Variants in SYN3 observed in about 807,000 individuals in gnomAD.
The protein encoded by SYN3 is synapsin-3.
SYN3 carries 35 observed loss-of-function variants against 65.8 expected under a neutral mutation model. That is an observed-to-expected ratio of 0.53 (90% CI 0.41 to 0.70). SYN3 has a LOEUF of 0.70. SYN3 is among the 30% of genes least tolerant of loss of function. The probability of loss-of-function intolerance (pLI) is 0.00; values close to 1 mark genes in which losing one functional copy is unlikely to be tolerated. For synonymous variants in SYN3, 270 were observed against 292.9 expected (o/e 0.92, Z 0.80); for missense variants, 680 against 749.0 (o/e 0.91, Z 1.08).
intron 6 of SYN3, among the ~76,000 whole-genome samples, chr22:32,643,809 G>GAA (rs1482394098): frequency 8.6e-5 from 13 of 151,634 alleles, no homozygotes; most frequent in African/African-American, 3.1e-4. Context: ...AAGAGACAAG[G>GAA]GGCCGGGCGC....
At chr22:32,691,497 A>C (rs942854184) in intron 6 of SYN3, among the ~76,000 whole-genome samples, 1 of 152,182 alleles carries the variant, frequency 6.6e-6, no homozygotes, top group African/African-American at 2.4e-5. Flanking sequence ...CTTGCCTAAC[A>C]GAAGAGAAAT....
At position 32,909,245 on chromosome 22, in the gene SYN3, T is replaced by C. The variant is rs148349450; in HGVS notation, c.461+22145A>G. On this transcript the variant is annotated intron_variant, in intron 4 of 13. Transcript: ENST00000358763. ...TCTGGCTGTGGACATAACTCCACTC[T>C]CTGAGCTTTGGTGTTGAACATTGGA... 1.7e-3 allele frequency among the ~76,000 whole-genome samples: 253 copies of C among 152,342 alleles called. 1 individual carries two copies. Among genetic ancestry groups the C allele is most frequent in the Admixed American group, 3.1e-3 (48 of 15,304 alleles).
At chr22:32,662,520 T>C (rs2060230128) in intron 6 of SYN3, among the ~76,000 whole-genome samples, 1 of 152,208 alleles carries the variant, frequency 6.6e-6, no homozygotes, top group Non-Finnish European at 1.5e-5. Flanking sequence ...TGGCATCTTA[T>C]TGACCTGGGC....
intron 6 of SYN3, among the ~76,000 whole-genome samples, chr22:32,796,125 A>C (rs2046422651): frequency 6.6e-6 from 1 of 152,252 alleles, no homozygotes; most frequent in Non-Finnish European, 1.5e-5. Context: ...ACATTAAAAC[A>C]GGGTTGGGGA....
chr22:32,769,602 C>G (rs191617597), intron 6 of SYN3, among the ~76,000 whole-genome samples: 2 of 151,944 alleles, frequency 1.3e-5, no homozygotes, highest in Non-Finnish European at 2.9e-5. Context: ...ACGCAACCTC[C>G]GCCTCCCGGG....
chr22:32,721,504 G>C (rs915596613), intron 6 of SYN3, among the ~76,000 whole-genome samples: 1 of 152,172 alleles, frequency 6.6e-6, no homozygotes, highest in African/African-American at 2.4e-5. Context: ...AGAACAAAGA[G>C]AATCCTTTGA....
intron 3 of SYN3, among the ~76,000 whole-genome samples, chr22:32,962,685 G>A (rs1048451894): frequency 1.1e-4 from 16 of 152,120 alleles, no homozygotes; most frequent in South Asian, 8.3e-4. Context: ...TCTAAGCTGC[G>A]TTGCTGGGCC....
chr22:32,663,409 C>T (rs1015670507), intron 6 of SYN3, among the ~76,000 whole-genome samples: 37 of 152,030 alleles, frequency 2.4e-4, no homozygotes, highest in African/African-American at 7.0e-4. Context: ...CGCCATTCTC[C>T]TGCCTCAGCC....
intron 7 of SYN3, among the ~76,000 whole-genome samples, chr22:32,569,276 T>C (rs960471792): frequency 1.3e-5 from 2 of 150,722 alleles, no homozygotes; most frequent in Admixed American, 6.7e-5. Flanking sequence ...TCTATCTATC[T>C]ATCTATCTAT....
chr22:32,581,306 G>A (rs1270720626), intron 7 of SYN3, among the ~76,000 whole-genome samples: 2 of 152,072 alleles, frequency 1.3e-5, no homozygotes, highest in Non-Finnish European at 1.5e-5. Flanking sequence ...GACGGGTTTC[G>A]CCATGTTGGC....
At chr22:32,824,929 T>C (rs1044127310) in intron 6 of SYN3, among the ~76,000 whole-genome samples, 2 of 152,168 alleles carry the variant, frequency 1.3e-5, no homozygotes, top group African/African-American at 4.8e-5. Flanking sequence ...GGGACCTTGT[T>C]TGGGGAGGCG....
intron 6 of SYN3, among the ~76,000 whole-genome samples, chr22:32,731,974 A>G (rs558139456): frequency 6.6e-6 from 1 of 152,330 alleles, no homozygotes; most frequent in Admixed American, 6.5e-5. Context: ...GCCTATGTGC[A>G]ATGTTTTGAG....
intron 2 of SYN3, among the ~76,000 whole-genome samples, chr22:32,994,427 T>G (rs1439267491): frequency 6.6e-6 from 1 of 151,988 alleles, no homozygotes. Context: ...AAGCAGAAAG[T>G]GACAAAACTC....
At chr22:33,033,846 A>G (rs2053800658) in intron 1 of SYN3, among the ~76,000 whole-genome samples, 1 of 152,150 alleles carries the variant, frequency 6.6e-6, no homozygotes, top group Admixed American at 6.5e-5. Context: ...ACGCAAGGCC[A>G]AAGCCACAAC....
rs140666565 is a variant in SYN3, at chr22:32,596,866, A to G, written c.712-130T>C. 12 of 918,528 alleles carry G rather than the reference A, an allele frequency of 1.3e-5. No individual in the cohort carries two copies. The East Asian group carries it at 3.2e-4, about 25-fold the overall frequency. The allele number at this position is 918,528 out of a possible 1,614,324, so 56.9% of individuals were successfully genotyped here. A position where few individuals can be genotyped will look rare whatever the true frequency, so the allele number is the denominator to read the frequency against. ...GGAATCCCCACAAGAATGCTTCGAC[A>G]GATGGTCACCCAGCCATGGCCCAAA... On this transcript the variant is annotated intron_variant, in intron 6 of 13. Transcript: ENST00000358763.
chr22:32,838,259 G>A (rs764831987), intron 6 of SYN3, among the ~76,000 whole-genome samples: 1 of 152,174 alleles, frequency 6.6e-6, no homozygotes, highest in Non-Finnish European at 1.5e-5. Flanking sequence ...GGAGAAGGAG[G>A]GGGGGTGGCA....
At chr22:32,673,688 A>T (rs2060402668) in intron 6 of SYN3, among the ~76,000 whole-genome samples, 1 of 152,194 alleles carries the variant, frequency 6.6e-6, no homozygotes, top group Admixed American at 6.5e-5. Flanking sequence ...AGTAGGATGA[A>T]GGAGGGGCAG....
At chr22:32,814,133 T>TGA (rs1449647586) in intron 6 of SYN3, among the ~76,000 whole-genome samples, 32 of 75,612 alleles carry the variant, frequency 4.2e-4, no homozygotes, top group South Asian at 4.3e-4. Context: ...TGTGTGTGTG[T>TGA]GTGTGTGTGA....
chr22:32,573,230 CTTGA>C (rs906897112), intron 7 of SYN3, among the ~76,000 whole-genome samples: 3 of 152,156 alleles, frequency 2.0e-5, no homozygotes, highest in Non-Finnish European at 4.4e-5. Context: ...GCACAAATGG[CTTGA>C]TTGTCATTTT....
Sources: gnomAD v4.1 joint callset for allele counts (sites outside exome capture counted in the v4.1 genomes callset) on GRCh38, gnomAD v4.1.1 for gene constraint, MANE v1.5 for transcripts, NCBI Gene and HGNC (gene_info 2026-07-23, HGNC 2026-07-21) for gene names.